Variants in TTC34 observed in about 807,000 individuals in gnomAD.
TTC34 encodes the protein tetratricopeptide repeat domain 34, also known as tetratricopeptide repeat protein 34.
In TTC34, 44 loss-of-function variants were observed where a neutral mutation model predicts 40.7. The ratio of observed to expected loss-of-function variants is 1.08; its 90% CI spans 0.85 to 1.39. The LOEUF is 1.39. Among genes scored for constraint, TTC34 ranks in the 40% most tolerant of loss-of-function variants. The probability of loss-of-function intolerance (pLI) is 0.00; values close to 1 mark genes in which losing one functional copy is unlikely to be tolerated. For synonymous variants in TTC34, 422 were observed against 398.6 expected (o/e 1.06, Z -0.70); for missense variants, 884 against 838.0 (o/e 1.05, Z -0.68).
intron 6 of TTC34, among the ~76,000 whole-genome samples, chr1:2,694,350 T>C (rs369173889): frequency 0.099 from 808 of 8,158 alleles, no homozygotes; most frequent in Non-Finnish European, 0.11. Context: ...GCACCCACAC[T>C]CCCAGACGAG....
chr1:2,650,525 C>T lies in TTC34; in HGVS notation c.2227-4962G>A, dbSNP rs74818960. Among the ~76,000 whole-genome samples, 490 of 151,826 alleles carry T rather than the reference C, an allele frequency of 3.2e-3. 1 individual carries two copies. The highest frequency in any genetic ancestry group is 0.011 in the African/African-American group (459 of 41,348). On this transcript the variant is annotated intron_variant, in intron 6 of 8. Coordinates refer to ENST00000401095, the Ensembl canonical transcript of TTC34. ...CTACCCCAGGTGAGCATGTGATAGC[C>T]GAAAACAGCACCCTCCACCCCCAGG...
exon 9 of TTC34, chr1:2,641,659 C>T (rs888681131): frequency 6.3e-5 from 96 of 1,535,292 alleles, no homozygotes; most frequent in Non-Finnish European, 8.0e-5. Flanking sequence ...GCAGGCGACC[C>T]TGACGGCAGA....
chr1:2,777,569 A>G (rs933807851), intron 6 of TTC34, among the ~76,000 whole-genome samples: 1 of 152,120 alleles, frequency 6.6e-6, no homozygotes, highest in Admixed American at 6.5e-5. Context: ...CAAGGCTGAG[A>G]GACAGGACAG....
intron 6 of TTC34, among the ~76,000 whole-genome samples, chr1:2,773,243 G>C (rs1354335000): frequency 2.3e-5 from 3 of 128,124 alleles, no homozygotes; most frequent in Non-Finnish European, 3.4e-5. Context: ...TGACAGCCTG[G>C]AGCAGCACCC....
intron 6 of TTC34, among the ~76,000 whole-genome samples, chr1:2,683,990 T>C (rs377744440): frequency 3.1e-5 from 1 of 32,324 alleles, no homozygotes; most frequent in African/African-American, 1.8e-4. Context: ...AGCAGCATCC[T>C]GCACCCCCAG....
intron 6 of TTC34, among the ~76,000 whole-genome samples, chr1:2,700,153 C>G: frequency 9.9e-6 from 1 of 101,352 alleles, no homozygotes; most frequent in Non-Finnish European, 2.3e-5. Context: ...CATCGGACAT[C>G]CTGGAGCATC....
chr1:2,685,662 T>A (rs1290278527), intron 6 of TTC34, among the ~76,000 whole-genome samples: 2 of 144,932 alleles, frequency 1.4e-5, no homozygotes, highest in African/African-American at 2.7e-5. Flanking sequence ...TCTGACAGCC[T>A]GGAGCAGAAC....
intron 6 of TTC34, among the ~76,000 whole-genome samples, chr1:2,697,538 A>T (rs1640922393): frequency 6.6e-6 from 1 of 152,196 alleles, no homozygotes. Flanking sequence ...CCAGGCGAGC[A>T]TCTGATGGCC....
At chr1:2,772,814 G>A (rs200964066) in intron 6 of TTC34, among the ~76,000 whole-genome samples, 1,337 of 15,962 alleles carry the variant, frequency 0.084, 4 homozygotes, top group African/African-American at 0.22. Context: ...AGCACCCCAC[G>A]CCCCCAGGTG....
At chr1:2,677,976 C>G (rs1342977522) in intron 6 of TTC34, among the ~76,000 whole-genome samples, 3 of 34,770 alleles carry the variant, frequency 8.6e-5, no homozygotes, top group Non-Finnish European at 4.9e-5. Flanking sequence ...ACCACACTCC[C>G]AGGCGAGCAT....
At chr1:2,756,085 G>A in intron 6 of TTC34, among the ~76,000 whole-genome samples, 1 of 71,590 alleles carries the variant, frequency 1.4e-5, no homozygotes, top group East Asian at 4.7e-4. Context: ...GCATCTGACA[G>A]CGTGGAACAG....
At chr1:2,788,201 C>A (rs2100627635) in intron 3 of TTC34, among the ~76,000 whole-genome samples, 1 of 152,328 alleles carries the variant, frequency 6.6e-6, no homozygotes, top group Middle Eastern at 3.4e-3. Flanking sequence ...AAGTTTCTTA[C>A]CAGCAGCAAA....
chr1:2,759,594 C>G (rs1641623950), intron 6 of TTC34, among the ~76,000 whole-genome samples: 1 of 152,170 alleles, frequency 6.6e-6, no homozygotes, highest in African/African-American at 2.4e-5. Flanking sequence ...GAACAGCACC[C>G]ACACCGCCAG....
At position 2,691,719 on chromosome 1, in the gene TTC34, G is replaced by C. The variant is rs28484972; in HGVS notation, c.2227-46156C>G. Among the ~76,000 whole-genome samples the C allele has an allele frequency of 1.4e-3, 95 of 68,960 alleles. 1 individual carries two copies. The highest frequency in any genetic ancestry group is 4.2e-3 in the African/African-American group (87 of 20,574). The allele number at this position is 68,960 out of a possible 152,430, so 45.2% of individuals were successfully genotyped here. A position where few individuals can be genotyped will look rare whatever the true frequency, so the allele number is the denominator to read the frequency against. The stretch of plus-strand genomic sequence containing the variant: ...GCACCCACATCCCCAGGTGAGCATT[G>C]GACAGCCTGGAGCAGCACCCACATT... On this transcript the variant is annotated intron_variant, in intron 6 of 8. Transcript: ENST00000401095.
At chr1:2,778,472 G>C (rs1376485118) in intron 6 of TTC34, among the ~76,000 whole-genome samples, 4 of 152,218 alleles carry the variant, frequency 2.6e-5, no homozygotes, top group African/African-American at 9.7e-5. Flanking sequence ...CTGTTGAGTA[G>C]ACAGCTCAGG....
chr1:2,783,487 G>A, intron 6 of TTC34, 122 bp downstream of exon 6: 1 of 1,034,496 alleles, frequency 9.7e-7, no homozygotes, highest in Non-Finnish European at 1.3e-6. Context: ...CATGGGTTTT[G>A]ATGGGCATCT....
chr1:2,793,166 G>C (rs142572623), intron 2 of TTC34, among the ~76,000 whole-genome samples: 5 of 152,308 alleles, frequency 3.3e-5, no homozygotes, highest in Non-Finnish European at 7.3e-5. Flanking sequence ...CTGATGACTA[G>C]TGAGGTTTAC....
At chr1:2,782,974 C>T (rs1643508831) in intron 6 of TTC34, among the ~76,000 whole-genome samples, 2 of 152,330 alleles carry the variant, frequency 1.3e-5, no homozygotes, top group Middle Eastern at 6.8e-3. Context: ...ACAAACAGAA[C>T]AGAAACCATC....
chr1:2,750,178 C>T (rs1641268531), intron 6 of TTC34, among the ~76,000 whole-genome samples: 1 of 151,390 alleles, frequency 6.6e-6, no homozygotes, highest in Admixed American at 6.6e-5. Context: ...AGGCGAGCAT[C>T]TGACAGCCTG....
Sources: gnomAD v4.1 joint callset for allele counts (sites outside exome capture counted in the v4.1 genomes callset) on GRCh38, gnomAD v4.1.1 for gene constraint, MANE v1.5 for transcripts, NCBI Gene and HGNC (gene_info 2026-07-23, HGNC 2026-07-21) for gene names.